The following LHFPL1 variants were observed in gnomAD, a reference collection of about 807,000 sequenced individuals.
LHFPL1 encodes LHFPL tetraspan subfamily member 1 protein.
Under a neutral mutation model 12.1 loss-of-function variants are expected in LHFPL1, and 4 were observed. That is an observed-to-expected ratio of 0.33 (90% CI 0.16 to 0.76). LHFPL1 has a LOEUF of 0.76. Ranked by LOEUF, LHFPL1 falls within the 30% of genes least tolerant of loss-of-function variation. LHFPL1 has a pLI of 0.61. For synonymous variants in LHFPL1, 52 were observed against 61.9 expected, an observed-to-expected ratio of 0.84 and a Z score of 0.75; for missense variants, 141 against 174.1, an observed-to-expected ratio of 0.81 and a Z score of 1.07.
At chrX:112,678,078 C>A (rs1931704410) in intron 1 of LHFPL1, among the ~76,000 whole-genome samples, 1 of 110,860 alleles carries the variant, frequency 9.0e-6, no homozygotes, top group African/African-American at 3.3e-5. Context: ...AAAGGACTAA[C>A]TGAGCAATTG....
At chrX:112,672,782 G>A (rs1283500287) in intron 1 of LHFPL1, among the ~76,000 whole-genome samples, 1 of 111,747 alleles carries the variant, frequency 8.9e-6, no homozygotes, top group East Asian at 2.8e-4. Context: ...GCCTGACACA[G>A]AGCAGGCAGT....
intron 3 of LHFPL1, among the ~76,000 whole-genome samples, chrX:112,644,003 T>TGCCTGCTC (rs1930609684): frequency 8.9e-6 from 1 of 112,018 alleles, no homozygotes. Flanking sequence ...ACTGACTGAT[T>TGCCTGCTC]CCCCCACTGC....
At chrX:112,649,803 T>C (rs1216094326) in intron 3 of LHFPL1, among the ~76,000 whole-genome samples, 1 of 111,703 alleles carries the variant, frequency 9.0e-6, no homozygotes, top group Non-Finnish European at 1.9e-5. Context: ...TTTTCTTCTC[T>C]ACAAGTTTTT....
chrX:112,643,519 G>A (rs1930593064), intron 3 of LHFPL1, among the ~76,000 whole-genome samples: 1 of 111,214 alleles, frequency 9.0e-6, no homozygotes, highest in Non-Finnish European at 1.9e-5. Flanking sequence ...TGCAAGCAGG[G>A]GAAATGCCAG....
intron 3 of LHFPL1, among the ~76,000 whole-genome samples, chrX:112,634,303 A>T: frequency 9.0e-6 from 1 of 110,571 alleles, no homozygotes; most frequent in East Asian, 2.9e-4. Flanking sequence ...AGCCCTAAGG[A>T]GGGGGGGCTC....
At chrX:112,677,720 T>C (rs1349410905) in intron 1 of LHFPL1, among the ~76,000 whole-genome samples, 1 of 110,950 alleles carries the variant, frequency 9.0e-6, no homozygotes, top group Non-Finnish European at 1.9e-5. Context: ...TTCTGCTACC[T>C]GTCTCCCTCA....
At chrX:112,635,078 A>G (rs1930299882) in intron 3 of LHFPL1, among the ~76,000 whole-genome samples, 1 of 112,326 alleles carries the variant, frequency 8.9e-6, no homozygotes, top group African/African-American at 3.2e-5. Flanking sequence ...CCCACTGAGG[A>G]AATCGTCTAT....
At chrX:112,672,733 T>C (rs1931546156) in intron 1 of LHFPL1, among the ~76,000 whole-genome samples, 1 of 110,676 alleles carries the variant, frequency 9.0e-6, no homozygotes, top group African/African-American at 3.3e-5. Context: ...TGTCTCAGGG[T>C]CTCAGTCATG....
At chrX:112,632,941 T>A (rs1307591967) in intron 3 of LHFPL1, among the ~76,000 whole-genome samples, 1 of 111,684 alleles carries the variant, frequency 9.0e-6, no homozygotes, top group Non-Finnish European at 1.9e-5. Context: ...ATTTATAGCT[T>A]CCTCAGAACA....
At chrX:112,636,060 C>T (rs1474756971) in intron 3 of LHFPL1, among the ~76,000 whole-genome samples, 2 of 110,405 alleles carry the variant, frequency 1.8e-5, no homozygotes, top group African/African-American at 3.3e-5. Flanking sequence ...GGGCAGGGGG[C>T]GGTTTTCCTG....
intron 3 of LHFPL1, among the ~76,000 whole-genome samples, chrX:112,657,305 T>C (rs1423604035): frequency 8.9e-6 from 1 of 112,059 alleles, no homozygotes; most frequent in African/African-American, 3.2e-5. Flanking sequence ...CCTAACTAAA[T>C]AGAAAGTCAT....
At chrX:112,642,548 C>T (rs1025852345) in intron 3 of LHFPL1, among the ~76,000 whole-genome samples, 2 of 106,550 alleles carry the variant, frequency 1.9e-5, no homozygotes, top group African/African-American at 6.8e-5. Context: ...GTGGTCGTCT[C>T]ATGCATAGAC....
intron 2 of LHFPL1, among the ~76,000 whole-genome samples, chrX:112,665,627 G>A (rs2147725051): frequency 8.9e-6 from 1 of 111,953 alleles, no homozygotes; most frequent in Non-Finnish European, 1.9e-5. Context: ...TGTCCAATAG[G>A]CTGCCATTTT....
intron 3 of LHFPL1, among the ~76,000 whole-genome samples, chrX:112,639,513 G>T (rs1930440784): frequency 9.0e-6 from 1 of 111,246 alleles, no homozygotes; most frequent in Non-Finnish European, 1.9e-5. Context: ...AAAGTCCATG[G>T]GAGTACTCAA....
At chrX:112,637,830 T>C (rs901867167) in intron 3 of LHFPL1, among the ~76,000 whole-genome samples, 2 of 111,679 alleles carry the variant, frequency 1.8e-5, no homozygotes, top group African/African-American at 6.5e-5. Flanking sequence ...CCTTCAGATA[T>C]ATGAAGATTT....
chrX:112,668,760 T>C (rs1399822922), intron 2 of LHFPL1, among the ~76,000 whole-genome samples: 1 of 112,672 alleles, frequency 8.9e-6, no homozygotes. Flanking sequence ...TGAGTTTCTA[T>C]ACCTAGTAGG....
chrX:112,655,386 A>C (rs2147714462), intron 3 of LHFPL1, among the ~76,000 whole-genome samples: 1 of 112,092 alleles, frequency 8.9e-6, no homozygotes, highest in East Asian at 2.8e-4. Context: ...CCTTAATATA[A>C]GTTGTATCTT....
chrX:112,669,369 G>A (rs1287725717), intron 2 of LHFPL1, among the ~76,000 whole-genome samples: 3 of 112,507 alleles, frequency 2.7e-5, no homozygotes, highest in African/African-American at 9.7e-5. Flanking sequence ...AAGATAATTG[G>A]CTTAGATCAG....
At position 112,631,467 on chromosome X, in the gene LHFPL1, T is replaced by A; in HGVS notation, c.616A>T (p.Asn206Tyr). ...AGCTCCATAGCATAAGAATTGGTAT[T>A]CCTCATGATGCTCTCCACCAATATG... is the stretch of plus-strand genomic sequence containing the variant. Reference protein sequence around the residue: ...PVILVESIMRNTNSYAMELDH... With the variant: ...PVILVESIMRYTNSYAMELDH... The change falls in exon 4 of 4, where the codon AAT (asparagine) becomes TAT (tyrosine). Residue 206 changes from asparagine (N) to tyrosine (Y), a missense_variant. Transcript: ENST00000371968. The A allele has an allele frequency of 8.3e-7, 1 of 1,210,001 alleles. No individual in the cohort carries two copies. Among genetic ancestry groups the A allele is most frequent in the Middle Eastern group, 2.3e-4 (1 of 4,346 alleles).
Sources: gnomAD v4.1 joint callset for allele counts (sites outside exome capture counted in the v4.1 genomes callset) on GRCh38, gnomAD v4.1.1 for gene constraint, MANE v1.5 for transcripts, NCBI Gene and HGNC (gene_info 2026-07-23, HGNC 2026-07-21) for gene names.